The following LEKR1 variants were observed in gnomAD, a reference collection of about 807,000 sequenced individuals.
LEKR1 encodes protein LEKR1.
LEKR1 carries 59 observed loss-of-function variants against 72.4 expected under a neutral mutation model. That is an observed-to-expected ratio of 0.82 (90% CI 0.66 to 1.01). The LOEUF (loss-of-function observed/expected upper bound fraction) is 1.01, where lower values mean the gene tolerates loss of function less well. Among genes scored for constraint, LEKR1 ranks in the 50% least tolerant of loss-of-function variants. LEKR1 has a pLI of 0.00. For synonymous variants in LEKR1, 257 were observed against 263.2 expected (o/e 0.98, Z 0.23); for missense variants, 728 against 759.2 (o/e 0.96, Z 0.48).
chr3:156,891,507 T>G (rs1241243600), intron 3 of LEKR1, among the ~76,000 whole-genome samples: 1 of 152,192 alleles, frequency 6.6e-6, no homozygotes, highest in Admixed American at 6.5e-5. Context: ...TTTTATGATA[T>G]GCAATGGAAG....
chr3:156,992,878 C>A lies in LEKR1; in HGVS notation c.905+148C>A, dbSNP rs1295782490. 2.5e-5 allele frequency: 10 copies of A among 396,494 alleles called. No individual in the cohort carries two copies. The East Asian group carries it at 4.1e-4, about 16-fold the overall frequency. The allele number at this position is 396,494 out of a possible 1,614,324, so 24.6% of individuals were successfully genotyped here. Reference sequence around the variant, plus strand: ...CCTAATTCAAGCTTATATTATCTTGCAGTTGGTTATTGCTGTTGCCACTGC... The same window carrying A: ...CCTAATTCAAGCTTATATTATCTTGAAGTTGGTTATTGCTGTTGCCACTGC... On this transcript the variant is annotated intron_variant, in intron 8 of 12. Transcript: ENST00000356539.
chr3:156,902,042 TGAATGTTTTCAAA>T (rs985732229), intron 3 of LEKR1, among the ~76,000 whole-genome samples: 2 of 152,174 alleles, frequency 1.3e-5, no homozygotes, highest in Non-Finnish European at 2.9e-5. Context: ...ATAATTTTCT[TGAATGTTTTCAAA>T]GAAAAACAGA....
intron 6 of LEKR1, chr3:156,977,841 C>T (rs1199491027): frequency 2.4e-5 from 5 of 210,122 alleles, no homozygotes; most frequent in African/African-American, 4.6e-5. Context: ...TTGTCTCCCA[C>T]CTCAACATGA....
intron 11 of LEKR1, among the ~76,000 whole-genome samples, chr3:157,026,105 GA>G (rs1182714764): frequency 2.6e-5 from 4 of 152,164 alleles, no homozygotes; most frequent in Non-Finnish European, 5.9e-5. Flanking sequence ...TTTTGTAAGT[GA>G]AATCCTACTG....
Position 157,045,570 on chromosome 3 carries a change from T to C in LEKR1, c.1899T>C (p.Ile633=). 6.2e-7 allele frequency: 1 copy of C among 1,613,854 alleles called. No individual in the cohort carries two copies. Among genetic ancestry groups the C allele is most frequent in the Non-Finnish European group, 8.5e-7 (1 of 1,179,964 alleles). ...TGAACTCTGAAAAAGGAATCCAAAT[T>C]CCCAACCTGCGCGGGGTGTCAAAAC... ...ARLNSEKGIQ[I]PNLRGVSKPT... The change falls in exon 13 of 13, where the codon ATT becomes ATC. Residue 633 remains isoleucine, a synonymous_variant. Transcript: ENST00000356539.
At chr3:156,883,375 C>T (rs531212880) in intron 3 of LEKR1, among the ~76,000 whole-genome samples, 1 of 152,252 alleles carries the variant, frequency 6.6e-6, no homozygotes, top group Non-Finnish European at 1.5e-5. Flanking sequence ...TCAGATGAGA[C>T]TTTGGAATGT....
intron 9 of LEKR1, among the ~76,000 whole-genome samples, chr3:157,000,734 T>C (rs1174818016): frequency 2.0e-5 from 3 of 152,248 alleles, no homozygotes; most frequent in Admixed American, 6.5e-5. Flanking sequence ...GCTTTACTCA[T>C]ACAGTTGTAA....
chr3:156,894,074 AAC>A (rs1206398000), intron 3 of LEKR1, among the ~76,000 whole-genome samples: 4 of 152,222 alleles, frequency 2.6e-5, no homozygotes, highest in Non-Finnish European at 5.9e-5. Flanking sequence ...AATCACCTGA[AAC>A]AGTGTGTAGG....
At chr3:157,000,556 T>C (rs1022632245) in intron 9 of LEKR1, among the ~76,000 whole-genome samples, 2 of 152,208 alleles carry the variant, frequency 1.3e-5, no homozygotes, top group Admixed American at 1.3e-4. Context: ...TTAAGAATTT[T>C]AAAATATTGT....
intron 3 of LEKR1, among the ~76,000 whole-genome samples, chr3:156,864,696 G>C (rs1717122618): frequency 6.6e-6 from 1 of 151,978 alleles, no homozygotes; most frequent in East Asian, 1.9e-4. Flanking sequence ...AATCCAAAAA[G>C]TATGCTAGTT....
At chr3:157,027,733 G>A (rs775899369) in intron 11 of LEKR1, among the ~76,000 whole-genome samples, 2 of 152,088 alleles carry the variant, frequency 1.3e-5, no homozygotes, top group Non-Finnish European at 2.9e-5. Context: ...AGGATCGTTT[G>A]AGCGCAGGAG....
chr3:157,016,093 C>T (rs1189498373), intron 10 of LEKR1, among the ~76,000 whole-genome samples: 2 of 151,936 alleles, frequency 1.3e-5, no homozygotes, highest in Non-Finnish European at 2.9e-5. Context: ...AGCCATGAGA[C>T]AGATTCAAGA....
intron 3 of LEKR1, among the ~76,000 whole-genome samples, chr3:156,893,041 T>A (rs1268406264): frequency 6.6e-6 from 1 of 152,200 alleles, no homozygotes; most frequent in African/African-American, 2.4e-5. Context: ...TAGGAAAATC[T>A]CTGTTCTTGA....
chr3:156,976,772 TC>T (rs1251297326), intron 6 of LEKR1, among the ~76,000 whole-genome samples: 1 of 152,190 alleles, frequency 6.6e-6, no homozygotes, highest in Non-Finnish European at 1.5e-5. Flanking sequence ...AACTTTAGGA[TC>T]AGGCAGACCT....
chr3:156,847,768 C>T (rs750677945), intron 2 of LEKR1, among the ~76,000 whole-genome samples: 8 of 152,118 alleles, frequency 5.3e-5, no homozygotes, highest in African/African-American at 9.7e-5. Flanking sequence ...TCTTGTGGAC[C>T]TATTATTTTA....
At chr3:156,963,796 A>G (rs1187105008) in intron 6 of LEKR1, among the ~76,000 whole-genome samples, 1 of 152,194 alleles carries the variant, frequency 6.6e-6, no homozygotes, top group East Asian at 1.9e-4. Flanking sequence ...CCAGGACTAC[A>G]CAGCTACTAA....
chr3:156,954,685 C>T (rs1727460120), intron 6 of LEKR1, among the ~76,000 whole-genome samples: 1 of 152,014 alleles, frequency 6.6e-6, no homozygotes, highest in African/African-American at 2.4e-5. Context: ...TGTCTTATTT[C>T]TGAGTTCTCT....
intron 2 of LEKR1, 147 bp from the exon 3 acceptor site, chr3:156,852,621 A>G (rs748740382): frequency 4.4e-5 from 18 of 407,546 alleles, no homozygotes; most frequent in Non-Finnish European, 6.9e-5. Flanking sequence ...AATTTTTTAT[A>G]CAAGTGTTAG....
intron 3 of LEKR1, among the ~76,000 whole-genome samples, chr3:156,880,162 A>T (rs1344345283): frequency 1.3e-5 from 2 of 152,216 alleles, no homozygotes; most frequent in African/African-American, 4.8e-5. Flanking sequence ...TTTTCAGCCC[A>T]TGAAAGCAGC....
Sources: allele counts gnomAD v4.1 joint callset (sites outside exome capture counted in the v4.1 genomes callset), GRCh38; gene constraint gnomAD v4.1.1; transcripts MANE v1.5; gene names NCBI Gene and HGNC (gene_info 2026-07-23, HGNC 2026-07-21).